MYO18A: variants seen among roughly 807,000 people sequenced by gnomAD.
The protein encoded by MYO18A is unconventional myosin-XVIIIa.
A neutral mutation model predicts 235.8 loss-of-function variants in MYO18A; 78 were observed. The observed-to-expected ratio is 0.33, with a 90% CI of 0.28 to 0.40. The LOEUF (loss-of-function observed/expected upper bound fraction) is 0.40, where lower values mean the gene tolerates loss of function less well. Ranked by LOEUF, MYO18A falls within the 10% of genes least tolerant of loss-of-function variation. The pLI is 1.00. For missense variants in MYO18A, 2,215 were observed against 2,699.3 expected (o/e 0.82, Z 3.98); for synonymous variants, 977 against 1,077.8 (o/e 0.91, Z 1.83).
chr17:29,090,016 A>G lies in MYO18A; in HGVS notation c.5471T>C (p.Ile1824Thr). The change falls in exon 37 of 42, where the codon ATA becomes ACA. Residue 1824 changes from isoleucine to threonine, a missense_variant. Physicochemically the swap from Ile to Thr is moderately conservative, Grantham distance 89. Transcript: ENST00000527372. ...KSLVSRQEAKIRELETRLEFE... is the reference protein window; with the variant it reads ...KSLVSRQEAKTRELETRLEFE... Reference sequence around the variant, plus strand: ...CTCCAGGCGTGTCTCCAGCTCCCGTATCTTAGCTTCCTGCCTGCTCACCAG... The same window carrying G: ...CTCCAGGCGTGTCTCCAGCTCCCGTGTCTTAGCTTCCTGCCTGCTCACCAG... 1.2e-6 allele frequency: 2 copies of G among 1,614,050 alleles called. No homozygotes were observed. Among genetic ancestry groups the G allele is most frequent in the Middle Eastern group, 1.6e-4 (1 of 6,062 alleles).
rs1226247663 is a variant in MYO18A at position 29,121,636 on chromosome 17, G to A, written c.1282C>T (p.Arg428Cys). ...GTGTGCAGCAGGCTAGCGCCATAGC[G>A]CTGGCGCAAGGTGTGCAGGACGCTG... ...ESSVLHTLRQ[R>C]YGASLLHTYA... The change falls in exon 5 of 42, where the codon CGC becomes TGC. Residue 428 changes from arginine (R) to cysteine (C), a missense_variant. Coordinates refer to ENST00000527372, the MANE Select transcript of MYO18A (RefSeq NM_078471.4). The surrounding 1 kb of genome is among the most constrained non-coding windows in gnomAD (Gnocchi z 4.2). 2 of 1,578,674 alleles carry A rather than the reference G, an allele frequency of 1.3e-6. No individual in the cohort carries two copies. Among genetic ancestry groups the A allele is most frequent in the African/African-American group, 1.3e-5 (1 of 74,262 alleles).
intron 20 of MYO18A, among the ~76,000 whole-genome samples, chr17:29,105,948 G>A (rs572935913): frequency 3.9e-5 from 6 of 152,294 alleles, no homozygotes; most frequent in East Asian, 1.9e-4. Flanking sequence ...CAGGTGCTGC[G>A]GGAGGCTCAG....
At chr17:29,105,171 C>CAAAAAAAA (rs58344909) in intron 20 of MYO18A, among the ~76,000 whole-genome samples, 4 of 35,796 alleles carry the variant, frequency 1.1e-4, no homozygotes, top group Non-Finnish European at 1.2e-4. Flanking sequence ...GACTCTGTCT[C>CAAAAAAAA]AAAAAAAAAA....
At chr17:29,156,116 G>T (rs553672597) in intron 2 of MYO18A, among the ~76,000 whole-genome samples, 4 of 152,230 alleles carry the variant, frequency 2.6e-5, no homozygotes, top group African/African-American at 4.8e-5. Flanking sequence ...GGAATCCATT[G>T]CTGTGACTGG....
intron 2 of MYO18A, among the ~76,000 whole-genome samples, chr17:29,164,535 C>A (rs59730885): frequency 1.2e-4 from 19 of 152,226 alleles, no homozygotes; most frequent in Middle Eastern, 3.4e-3. Flanking sequence ...AAGCTGGGAC[C>A]GGGACTCTGC....
Position 29,097,158 on chromosome 17 carries a change from G to C in MYO18A, c.4230+65C>G. On this transcript the variant is annotated intron_variant, in intron 27 of 41. Coordinates refer to ENST00000527372, the MANE Select transcript of MYO18A (RefSeq NM_078471.4). ...GCCTGCCCCCAGAGTTCACTGGACCGACACAAGGCACCAGTCCTCTCCTGG... is the reference window on the plus strand; with the variant it reads ...GCCTGCCCCCAGAGTTCACTGGACCCACACAAGGCACCAGTCCTCTCCTGG... The C allele has an allele frequency of 4.4e-6, 7 of 1,586,070 alleles. No individual in the cohort carries two copies. In the South Asian group the frequency reaches 5.6e-5, roughly 13 times the overall value.
chr17:29,085,572 C>T, intron 40 of MYO18A, 32 bp downstream of exon 40: 1 of 1,611,886 alleles, frequency 6.2e-7, no homozygotes, highest in African/African-American at 1.3e-5. Context: ...CCCGCGAGGA[C>T]AGGCAGAGAG....
At chr17:29,167,750 T>G (rs952454137) in intron 1 of MYO18A, among the ~76,000 whole-genome samples, 1 of 150,958 alleles carries the variant, frequency 6.6e-6, no homozygotes, top group African/African-American at 2.4e-5. Flanking sequence ...AGGGACTCAA[T>G]GCAACATCAC....
At position 29,140,912 on chromosome 17, in the gene MYO18A, C is replaced by T. The variant is rs2067725195; in HGVS notation, c.1000-18659G>A. On this transcript the variant is annotated intron_variant, in intron 2 of 41. Coordinates refer to ENST00000527372, the MANE Select transcript of MYO18A (RefSeq NM_078471.4). This position sits in a 1 kb window ranked among gnomAD's most constrained non-coding sequence, Gnocchi z 4.2. ...GCCATCTAATTACTGCGGCAGAGGC[C>T]AAGACAGCCACTAACGTCACATCCA... is the stretch of plus-strand genomic sequence containing the variant. 6.6e-6 allele frequency among the ~76,000 whole-genome samples: 1 copy of T among 152,174 alleles called. No homozygotes were observed. Among genetic ancestry groups the T allele is most frequent in the Admixed American group, 6.5e-5 (1 of 15,286 alleles).
chr17:29,169,864 AAT>A (rs1446973085), intron 1 of MYO18A, among the ~76,000 whole-genome samples: 2 of 152,126 alleles, frequency 1.3e-5, no homozygotes, highest in African/African-American at 4.8e-5. Flanking sequence ...ATCGCTGAGT[AAT>A]ATGAGTGGAA....
chr17:29,073,908 G>A lies in MYO18A; in HGVS notation c.*862C>T. 1 of 1,613,558 alleles carries A rather than the reference G, an allele frequency of 6.2e-7. No homozygotes were observed. Among genetic ancestry groups the A allele is most frequent in the Non-Finnish European group, 8.5e-7 (1 of 1,179,434 alleles). Reference sequence around the variant, plus strand: ...TTATGGTCCAGACCACCTGGACAGAGCAGGAGGGAGGCAGTGCTTGGATCA... The same window carrying A: ...TTATGGTCCAGACCACCTGGACAGAACAGGAGGGAGGCAGTGCTTGGATCA... On this transcript the variant is annotated 3_prime_UTR_variant, in exon 42 of 42. Coordinates refer to ENST00000527372, the MANE Select transcript of MYO18A (RefSeq NM_078471.4).
At chr17:29,091,036 T>A (rs1398390906) in intron 34 of MYO18A, 110 bp from the exon 35 acceptor site, 32 of 850,548 alleles carry the variant, frequency 3.8e-5, no homozygotes, top group Non-Finnish European at 5.8e-5. Context: ...GGGCTGAGCC[T>A]GCCTGCTGGG....
chr17:29,089,369 C>T (rs1314075071), intron 37 of MYO18A, among the ~76,000 whole-genome samples: 1 of 118,872 alleles, frequency 8.4e-6, no homozygotes, highest in Non-Finnish European at 1.6e-5. Flanking sequence ...TGCAGTGAGC[C>T]GAGATCGTAC....
intron 30 of MYO18A, 199 bp downstream of exon 30, chr17:29,094,451 T>C (rs1210150842): frequency 7.9e-6 from 5 of 631,384 alleles, no homozygotes; most frequent in Non-Finnish European, 1.4e-5. Flanking sequence ...AGATTTGTTT[T>C]TGTGGAAAGT....
intron 2 of MYO18A, among the ~76,000 whole-genome samples, chr17:29,152,054 C>T (rs2067974345): frequency 1.3e-5 from 2 of 152,162 alleles, no homozygotes; most frequent in East Asian, 1.9e-4. Context: ...AACAGATTGG[C>T]GGGTCTGACC....
At chr17:29,146,421 GT>G (rs2152937601) in intron 2 of MYO18A, among the ~76,000 whole-genome samples, 1 of 152,306 alleles carries the variant, frequency 6.6e-6, no homozygotes, top group East Asian at 1.9e-4. Flanking sequence ...AGTGTGTGCT[GT>G]AGTGGACATG....
At chr17:29,090,236 C>A in intron 36 of MYO18A, 138 bp from the exon 37 acceptor site, 1 of 1,037,180 alleles carries the variant, frequency 9.6e-7, no homozygotes, top group Non-Finnish European at 1.4e-6. Flanking sequence ...GAGAATGGAG[C>A]CCTGGGCCAG....
At chr17:29,130,051 CTT>C (rs2067425525) in intron 2 of MYO18A, among the ~76,000 whole-genome samples, 1 of 152,130 alleles carries the variant, frequency 6.6e-6, no homozygotes, top group Admixed American at 6.5e-5. Context: ...AATCCTAGCA[CTT>C]TGCGAGGCCA....
intron 21 of MYO18A, among the ~76,000 whole-genome samples, chr17:29,102,179 G>A (rs989380881): frequency 6.6e-6 from 1 of 152,240 alleles, no homozygotes; most frequent in Non-Finnish European, 1.5e-5. Context: ...CACCTGGCAT[G>A]GCTCAGGATG....
Sources: allele counts gnomAD v4.1 joint callset (sites outside exome capture counted in the v4.1 genomes callset), GRCh38; gene constraint gnomAD v4.1.1; non-coding constraint Gnocchi (gnomAD v3.1); transcripts MANE v1.5; gene names NCBI Gene and HGNC (gene_info 2026-07-23, HGNC 2026-07-21).